MACROD2: variants seen among roughly 807,000 people sequenced by gnomAD.
The protein encoded by MACROD2 is ADP-ribose glycohydrolase MACROD2.
Under a neutral mutation model 70.4 loss-of-function variants are expected in MACROD2, and 36 were observed. The observed-to-expected ratio is 0.51, with a 90% CI of 0.39 to 0.68. The LOEUF (loss-of-function observed/expected upper bound fraction) is 0.68, where lower values mean the gene tolerates loss of function less well. MACROD2 is among the 30% of genes least tolerant of loss of function. The pLI, the probability that MACROD2 is intolerant of heterozygous loss-of-function variation, is 0.00. For synonymous variants in MACROD2, 172 were observed against 178.8 expected, an observed-to-expected ratio of 0.96 and a Z score of 0.30; for missense variants, 496 against 538.4, an observed-to-expected ratio of 0.92 and a Z score of 0.78.
intron 4 of MACROD2, among the ~76,000 whole-genome samples, chr20:14,632,987 G>A (rs1277623993): frequency 6.6e-6 from 1 of 152,230 alleles, no homozygotes; most frequent in Non-Finnish European, 1.5e-5. Context: ...TTCTCTCACT[G>A]TTCTGGAGGT....
chr20:15,110,859 A>C (rs2075948819), intron 5 of MACROD2, among the ~76,000 whole-genome samples: 1 of 152,124 alleles, frequency 6.6e-6, no homozygotes, highest in Admixed American at 6.5e-5. Flanking sequence ...ACCAATACTC[A>C]AACTCCATTG....
chr20:15,757,626 T>A (rs149257203), intron 8 of MACROD2, among the ~76,000 whole-genome samples: 1 of 152,164 alleles, frequency 6.6e-6, no homozygotes, highest in African/African-American at 2.4e-5. Flanking sequence ...GACTGGGTGA[T>A]CTAAACAACA....
At chr20:14,982,726 A>G (rs2074812639) in intron 5 of MACROD2, among the ~76,000 whole-genome samples, 1 of 152,218 alleles carries the variant, frequency 6.6e-6, no homozygotes, top group African/African-American at 2.4e-5. Context: ...GAAGATGTAT[A>G]GAAATGTCTG....
intron 6 of MACROD2, among the ~76,000 whole-genome samples, chr20:15,381,108 A>G (rs1240991213): frequency 6.6e-6 from 1 of 152,188 alleles, no homozygotes; most frequent in Non-Finnish European, 1.5e-5. Context: ...TGGAATTTGC[A>G]GTAAAGAGTA....
At chr20:15,524,000 G>T (rs2047686294) in intron 8 of MACROD2, among the ~76,000 whole-genome samples, 1 of 152,150 alleles carries the variant, frequency 6.6e-6, no homozygotes, top group Admixed American at 6.5e-5. Flanking sequence ...GATCAAGGTA[G>T]TAAATGTCCC....
intron 8 of MACROD2, among the ~76,000 whole-genome samples, chr20:15,745,359 C>G (rs1568537337): frequency 6.6e-6 from 1 of 152,172 alleles, no homozygotes; most frequent in Non-Finnish European, 1.5e-5. Context: ...TCTAATTACT[C>G]TGAAGCCAAG....
chr20:15,626,114 C>G (rs2049199138), intron 8 of MACROD2, among the ~76,000 whole-genome samples: 1 of 151,922 alleles, frequency 6.6e-6, no homozygotes, highest in East Asian at 1.9e-4. Flanking sequence ...AACTTAATAG[C>G]CAAGGGAAAA....
intron 6 of MACROD2, among the ~76,000 whole-genome samples, chr20:15,325,507 T>G (rs2077919306): frequency 6.6e-6 from 1 of 152,114 alleles, no homozygotes; most frequent in Non-Finnish European, 1.5e-5. Context: ...TTCAGACAGC[T>G]CTGGGAAGGC....
intron 5 of MACROD2, among the ~76,000 whole-genome samples, chr20:14,898,300 G>C (rs2073854446): frequency 6.6e-6 from 1 of 152,072 alleles, no homozygotes. Context: ...GATGACAAAG[G>C]AAGAAAGTTT....
intron 5 of MACROD2, among the ~76,000 whole-genome samples, chr20:14,910,232 A>G (rs1402117935): frequency 6.6e-6 from 1 of 152,180 alleles, no homozygotes; most frequent in East Asian, 1.9e-4. Context: ...TCAGAGTTAA[A>G]AGAATGTTGG....
intron 3 of MACROD2, among the ~76,000 whole-genome samples, chr20:14,187,105 A>G (rs1038571901): frequency 6.6e-6 from 1 of 151,256 alleles, no homozygotes; most frequent in African/African-American, 2.4e-5. Context: ...AACCTAAACT[A>G]AAAGTTGAGA....
chr20:14,386,356 C>A (rs78536078), intron 3 of MACROD2, among the ~76,000 whole-genome samples: 8,493 of 152,234 alleles, frequency 0.056, 271 homozygotes, highest in African/African-American at 0.076. Flanking sequence ...ATACTCTACC[C>A]ACAGATTCTG....
Position 15,016,222 on chromosome 20 carries a change from G to A in MACROD2, c.419-213718G>A, listed in dbSNP as rs6074823. On this transcript the variant is annotated intron_variant, in intron 5 of 17. Coordinates refer to ENST00000684519, the MANE Select transcript of MACROD2 (RefSeq NM_001351661.2). ...TGAGAATACTTAGAGTATTATAACAGTCATGAAAAGAAATGATGAAAATAC... is the reference window on the plus strand; with the variant it reads ...TGAGAATACTTAGAGTATTATAACAATCATGAAAAGAAATGATGAAAATAC... 6.6e-5 allele frequency among the ~76,000 whole-genome samples: 10 copies of A among 152,218 alleles called. No homozygotes were observed. The East Asian group carries it at 1.9e-3, about 29-fold the overall frequency.
At chr20:15,332,612 C>A (rs1011530220) in intron 6 of MACROD2, among the ~76,000 whole-genome samples, 4 of 151,154 alleles carry the variant, frequency 2.6e-5, no homozygotes, top group Admixed American at 2.6e-4. Flanking sequence ...AGAGGCCGTT[C>A]CTACAGCCCC....
At position 14,801,400 on chromosome 20, in the gene MACROD2, T is replaced by C. The variant is rs74416304; in HGVS notation, c.418+116441T>C. 5.6e-3 allele frequency among the ~76,000 whole-genome samples: 855 copies of C among 152,288 alleles called. 28 individuals are homozygous for C. Among genetic ancestry groups the C allele is most frequent in the Admixed American group, 0.039 (592 of 15,286 alleles). The stretch of plus-strand genomic sequence containing the variant: ...ATGTAGTCAAAGGGCAGATTTTGTA[T>C]ATTCATTTGTGCAGACTTTGTATAT... On this transcript the variant is annotated intron_variant, in intron 5 of 17. Transcript: ENST00000684519.
At chr20:14,971,709 T>C (rs1217008591) in intron 5 of MACROD2, among the ~76,000 whole-genome samples, 2 of 152,146 alleles carry the variant, frequency 1.3e-5, no homozygotes, top group East Asian at 1.9e-4. Context: ...TATTTTCACA[T>C]AGGGCCCAAA....
intron 15 of MACROD2, among the ~76,000 whole-genome samples, chr20:15,996,784 A>G (rs567336523): frequency 4.9e-4 from 74 of 152,238 alleles, no homozygotes; most frequent in East Asian, 3.9e-4. Flanking sequence ...TACCAAGACC[A>G]ACATTGAGAA....
At chr20:15,781,205 G>C (rs1345648217) in intron 8 of MACROD2, among the ~76,000 whole-genome samples, 1 of 152,042 alleles carries the variant, frequency 6.6e-6, no homozygotes, top group Admixed American at 6.5e-5. Flanking sequence ...ATATGCCTAA[G>C]GTCACACAGC....
chr20:14,156,271 A>G (rs1478183081), intron 3 of MACROD2, among the ~76,000 whole-genome samples: 2 of 152,320 alleles, frequency 1.3e-5, no homozygotes, highest in Middle Eastern at 3.4e-3. Context: ...CTTTCACTGC[A>G]TTTTTTGGCT....
Sources: allele counts gnomAD v4.1 joint callset (sites outside exome capture counted in the v4.1 genomes callset), GRCh38; gene constraint gnomAD v4.1.1; transcripts MANE v1.5; gene names NCBI Gene and HGNC (gene_info 2026-07-23, HGNC 2026-07-21).